Variants in FBXO16 observed in about 807,000 individuals in gnomAD.
FBXO16 encodes the protein F-box protein 16, also known as F-box only protein 16.
FBXO16 carries 31 observed loss-of-function variants against 41.0 expected under a neutral mutation model. The ratio of observed to expected loss-of-function variants is 0.76; its 90% CI spans 0.57 to 1.02. The LOEUF (loss-of-function observed/expected upper bound fraction) is 1.02. Among genes scored for constraint, FBXO16 ranks in the 50% least tolerant of loss-of-function variants. The pLI is 0.00. For missense variants in FBXO16, 361 were observed against 346.2 expected, an observed-to-expected ratio of 1.04 and a Z score of -0.34; for synonymous variants, 133 against 117.8, an observed-to-expected ratio of 1.13 and a Z score of -0.84.
At chr8:28,465,882 C>T (rs771748653) in intron 3 of FBXO16, among the ~76,000 whole-genome samples, 5 of 151,564 alleles carry the variant, frequency 3.3e-5, no homozygotes, top group South Asian at 2.1e-4. Flanking sequence ...AGTTTGATTA[C>T]GTGAGAGTGC....
chr8:28,456,683 T>C (rs957722588), intron 5 of FBXO16, 83 bp downstream of exon 5: 2 of 1,493,868 alleles, frequency 1.3e-6, no homozygotes, highest in East Asian at 4.6e-5. Context: ...TTCCCCAACT[T>C]CCAGTCTGAT....
At chr8:28,466,171 G>A (rs987062726) in intron 3 of FBXO16, among the ~76,000 whole-genome samples, 8 of 152,092 alleles carry the variant, frequency 5.3e-5, no homozygotes, top group Admixed American at 2.0e-4. Flanking sequence ...CCCAGGAGGC[G>A]GAGGTTGCGG....
chr8:28,445,643 C>T (rs1802851861), intron 7 of FBXO16, among the ~76,000 whole-genome samples: 1 of 152,086 alleles, frequency 6.6e-6, no homozygotes, highest in African/African-American at 2.4e-5. Context: ...CCCCCGTTCC[C>T]TTGGGCATCA....
chr8:28,488,363 C>T (rs532465586), intron 1 of FBXO16, among the ~76,000 whole-genome samples: 111 of 124,626 alleles, frequency 8.9e-4, no homozygotes, highest in Non-Finnish European at 1.2e-3. Flanking sequence ...GTGGTGTGAT[C>T]ACAGCTCACC....
intron 7 of FBXO16, among the ~76,000 whole-genome samples, chr8:28,434,639 A>G (rs1421598175): frequency 6.6e-6 from 1 of 152,218 alleles, no homozygotes; most frequent in Non-Finnish European, 1.5e-5. Context: ...CTTTAAAAAA[A>G]TCTCCCTCTC....
chr8:28,466,496 A>G (rs892187597), intron 3 of FBXO16, among the ~76,000 whole-genome samples: 1 of 152,008 alleles, frequency 6.6e-6, no homozygotes, highest in Non-Finnish European at 1.5e-5. Context: ...CAACTCCCAT[A>G]AAAGGAGACT....
chr8:28,474,352 A>AG (rs1367845994), intron 2 of FBXO16, among the ~76,000 whole-genome samples: 8 of 127,918 alleles, frequency 6.3e-5, no homozygotes, highest in South Asian at 2.4e-4. Context: ...AAAAAAAAAA[A>AG]AGAGAGAGAA....
intron 4 of FBXO16, among the ~76,000 whole-genome samples, chr8:28,458,336 G>A (rs1302514906): frequency 6.6e-6 from 1 of 152,150 alleles, no homozygotes; most frequent in Non-Finnish European, 1.5e-5. Context: ...GGTTAGGGAA[G>A]GAGGAAAAAG....
chr8:28,444,389 G>C (rs1192258600), intron 7 of FBXO16, among the ~76,000 whole-genome samples: 1 of 145,948 alleles, frequency 6.9e-6, no homozygotes, highest in Non-Finnish European at 1.5e-5. Flanking sequence ...TGCAACCTCC[G>C]CCTCCAGGGT....
chr8:28,428,834 A>G (rs1802565978), intron 8 of FBXO16, 98 bp from the exon 9 acceptor site: 4 of 1,314,670 alleles, frequency 3.0e-6, no homozygotes, highest in Middle Eastern at 1.9e-4. Flanking sequence ...CGATTTTACA[A>G]AATTATAGGG....
At chr8:28,480,802 G>C (rs1428659920) in intron 2 of FBXO16, among the ~76,000 whole-genome samples, 1 of 152,128 alleles carries the variant, frequency 6.6e-6, no homozygotes, top group Non-Finnish European at 1.5e-5. Flanking sequence ...ACTGTGCCTA[G>C]CCCTGACTCC....
intron 7 of FBXO16, among the ~76,000 whole-genome samples, chr8:28,441,904 A>ATG (rs1277525159): frequency 4.2e-5 from 5 of 117,650 alleles, no homozygotes; most frequent in African/African-American, 2.6e-4. Flanking sequence ...CACAGTGTAT[A>ATG]TATATATGTG....
chr8:28,445,497 TTCTCTTCCA>T (rs1163653007), intron 7 of FBXO16, among the ~76,000 whole-genome samples: 2 of 152,228 alleles, frequency 1.3e-5, no homozygotes, highest in Non-Finnish European at 2.9e-5. Flanking sequence ...TCCCATGGAC[TTCTCTTCCA>T]CTCCTTGCCT....
chr8:28,474,413 A>G (rs1352478488), intron 2 of FBXO16, among the ~76,000 whole-genome samples: 8 of 151,084 alleles, frequency 5.3e-5, no homozygotes, highest in Admixed American at 5.3e-4. Context: ...GTTTTTTTAA[A>G]GTGAAAGAAA....
chr8:28,464,789 G>A lies in FBXO16; in HGVS notation c.136-971C>T, dbSNP rs184835332. On this transcript the variant is annotated intron_variant, in intron 3 of 8. Transcript: ENST00000380254. ...CTGCCTCAGCCTCCCGAGTAGCTGG[G>A]ATTACAGGCACGCGCCACCGCACCT... is the stretch of plus-strand genomic sequence containing the variant. 7.5e-3 allele frequency among the ~76,000 whole-genome samples: 1,146 copies of A among 152,112 alleles called. 6 individuals are homozygous for A. Among genetic ancestry groups the A allele is most frequent in the Non-Finnish European group, 0.012 (786 of 67,994 alleles).
rs1221731143 is a variant in FBXO16, at chr8:28,447,495, T to A, written c.741-222A>T. The stretch of plus-strand genomic sequence containing the variant: ...TGAGCTGCAAATGGAAAGCAGGATG[T>A]TTCTATATTCAACTGTGGAAGGATC... On this transcript the variant is annotated intron_variant, in intron 6 of 8. Coordinates refer to ENST00000380254, the MANE Select transcript of FBXO16 (RefSeq NM_172366.4). The A allele has an allele frequency of 6.1e-6, 3 of 494,298 alleles. No individual in the cohort carries two copies. In the Admixed American group the frequency reaches 9.9e-5, roughly 16 times the overall value. 30.6% of individuals were successfully genotyped at this position (494,298 alleles called of 1,614,324 possible).
intron 7 of FBXO16, among the ~76,000 whole-genome samples, chr8:28,430,797 C>T (rs1304976002): frequency 6.6e-6 from 1 of 151,978 alleles, no homozygotes; most frequent in Admixed American, 6.6e-5. Context: ...ATGGTGAAAC[C>T]CTGTCTCTAC....
chr8:28,447,384 T>G lies in FBXO16; in HGVS notation c.741-111A>C, dbSNP rs926539006. 9 of 938,120 alleles carry G rather than the reference T, an allele frequency of 9.6e-6. No homozygotes were observed. The Admixed American group carries it at 2.2e-4, about 22-fold the overall frequency. 58.1% of individuals were successfully genotyped at this position (938,120 alleles called of 1,614,324 possible). On this transcript the variant is annotated intron_variant, in intron 6 of 8. Transcript: ENST00000380254. ...GTTGTTCCTGTGATTTAAAAGATTG[T>G]CTCCACTTAACTGGAAATAAGCCAA...
At chr8:28,440,005 A>G (rs1227186108) in intron 7 of FBXO16, among the ~76,000 whole-genome samples, 1 of 146,268 alleles carries the variant, frequency 6.8e-6, no homozygotes, top group Non-Finnish European at 1.5e-5. Flanking sequence ...GCATAAAGCC[A>G]TTTTAATTAC....
Sources: gnomAD v4.1 joint callset for allele counts (sites outside exome capture counted in the v4.1 genomes callset) on GRCh38, gnomAD v4.1.1 for gene constraint, MANE v1.5 for transcripts, NCBI Gene and HGNC (gene_info 2026-07-23, HGNC 2026-07-21) for gene names.